The following MARCHF1 variants were observed in gnomAD, a reference collection of about 807,000 sequenced individuals.
MARCHF1 encodes the protein membrane associated ring-CH-type finger 1.
MARCHF1 carries 40 observed loss-of-function variants against 54.2 expected under a neutral mutation model. The ratio of observed to expected loss-of-function variants is 0.74; its 90% CI spans 0.57 to 0.96. The LOEUF is 0.96. MARCHF1 is among the 40% of genes least tolerant of loss of function. MARCHF1 has a pLI of 0.00. For missense variants in MARCHF1, 586 were observed against 656.5 expected, an observed-to-expected ratio of 0.89 and a Z score of 1.17; for synonymous variants, 236 against 236.3, an observed-to-expected ratio of 1.00 and a Z score of 0.01.
intron 1 of MARCHF1, among the ~76,000 whole-genome samples, chr4:164,206,206 G>A (rs142477475): frequency 0.012 from 1,790 of 152,306 alleles, 21 homozygotes; most frequent in Admixed American, 0.019. Flanking sequence ...GGAGGCTCAG[G>A]CAGGCAGATC....
chr4:164,351,484 A>C lies in MARCHF1; in HGVS notation c.-323+32386T>G, dbSNP rs1364507818. Among the ~76,000 whole-genome samples the C allele has an allele frequency of 2.7e-5, 4 of 150,942 alleles. No individual in the cohort carries two copies. The South Asian group carries it at 8.4e-4, about 32-fold the overall frequency. The stretch of plus-strand genomic sequence containing the variant: ...CCCCCGAGCAGCCTAACTGGGAGGC[A>C]CCCCCCAGCAGGGGCACACTGACAC... On this transcript the variant is annotated intron_variant, in intron 1 of 9. Transcript: ENST00000514618.
At chr4:163,555,840 G>A (rs946882607) in intron 8 of MARCHF1, 8 of 411,280 alleles carry the variant, frequency 1.9e-5, no homozygotes, top group African/African-American at 6.2e-5. Context: ...TGGGCTCTTC[G>A]CCTCTTACCT....
chr4:164,040,588 T>C (rs138631298), intron 2 of MARCHF1, among the ~76,000 whole-genome samples: 66 of 151,724 alleles, frequency 4.4e-4, no homozygotes, highest in Admixed American at 9.9e-4. Context: ...TGAATGTGTG[T>C]TGATGGTTAA....
chr4:163,690,206 C>T (rs6536748), intron 5 of MARCHF1, among the ~76,000 whole-genome samples: 70,927 of 151,970 alleles, frequency 0.47, 17,020 homozygotes, highest in Non-Finnish European at 0.51. Flanking sequence ...GAATTTCAAC[C>T]CCACAAATGT....
chr4:164,192,407 C>G (rs1731146544), intron 1 of MARCHF1, among the ~76,000 whole-genome samples: 1 of 152,114 alleles, frequency 6.6e-6, no homozygotes, highest in Non-Finnish European at 1.5e-5. Flanking sequence ...CATTATGATG[C>G]AAACTCTTCT....
rs146357456 is a variant in MARCHF1, at chr4:163,889,919, C to CTTT, written c.-38-35753_-38-35751dup. ...ATGTTAAACTTCGTTTATTTATTTT[C>CTTT]TTTTTTCTTTTTTTTTTTTTTTTGA... On this transcript the variant is annotated intron_variant, in intron 3 of 9. Transcript: ENST00000514618. 2.4e-4 allele frequency among the ~76,000 whole-genome samples: 28 copies of CTTT among 117,236 alleles called. 1 individual carries two copies. Among genetic ancestry groups the CTTT allele is most frequent in the Admixed American group, 4.3e-4 (4 of 9,260 alleles). 76.9% of individuals were successfully genotyped at this position (117,236 alleles called of 152,430 possible).
intron 1 of MARCHF1, among the ~76,000 whole-genome samples, chr4:164,177,626 G>C (rs1730722789): frequency 6.6e-6 from 1 of 152,006 alleles, no homozygotes; most frequent in Non-Finnish European, 1.5e-5. Flanking sequence ...TTAAACAAAA[G>C]CAAACTTTAA....
At position 163,528,489 on chromosome 4, in the gene MARCHF1, CTTAA is replaced by C. The variant is rs575480892; in HGVS notation, c.*255_*258del. On this transcript the variant is annotated 3_prime_UTR_variant, in exon 10 of 10. Transcript: ENST00000514618. The stretch of plus-strand genomic sequence containing the variant: ...AAAAGCATTCATTGCCCCAGTAGTT[CTTAA>C]TTGTCTTGGAAATCATTCTCTTGCA... 428 of 435,980 alleles carry C rather than the reference CTTAA, an allele frequency of 9.8e-4. 4 individuals are homozygous for C. Among genetic ancestry groups the C allele is most frequent in the African/African-American group, 7.7e-3 (385 of 50,114 alleles). The allele number at this position is 435,980 out of a possible 1,614,324, so 27.0% of individuals were successfully genotyped here.
intron 1 of MARCHF1, among the ~76,000 whole-genome samples, chr4:164,214,934 C>T (rs878886650): frequency 5.3e-5 from 8 of 152,078 alleles, no homozygotes; most frequent in African/African-American, 1.9e-4. Flanking sequence ...GTGCCCCCGC[C>T]GCTCAAACCT....
chr4:163,529,442 G>A (rs1409189686), intron 9 of MARCHF1, among the ~76,000 whole-genome samples: 1 of 151,992 alleles, frequency 6.6e-6, no homozygotes, highest in Non-Finnish European at 1.5e-5. Flanking sequence ...ATCCTTCTAA[G>A]AAGATGAGGT....
At chr4:163,641,604 T>C (rs1216656816) in intron 5 of MARCHF1, among the ~76,000 whole-genome samples, 1 of 152,182 alleles carries the variant, frequency 6.6e-6, no homozygotes, top group East Asian at 1.9e-4. Flanking sequence ...CAAATATTTA[T>C]ATGCTAGGAA....
intron 4 of MARCHF1, among the ~76,000 whole-genome samples, chr4:163,851,275 G>T (rs1749634520): frequency 6.6e-6 from 1 of 152,158 alleles, no homozygotes; most frequent in Non-Finnish European, 1.5e-5. Flanking sequence ...ATCCCAGAGA[G>T]GTGGTCAGAG....
chr4:164,078,086 G>A (rs978304528), intron 2 of MARCHF1, among the ~76,000 whole-genome samples: 1 of 152,186 alleles, frequency 6.6e-6, no homozygotes, highest in Non-Finnish European at 1.5e-5. Flanking sequence ...GCACACGTAT[G>A]TTTATTGCAG....
At chr4:164,161,132 G>A (rs1039089026) in intron 1 of MARCHF1, among the ~76,000 whole-genome samples, 1 of 152,118 alleles carries the variant, frequency 6.6e-6, no homozygotes, top group African/African-American at 2.4e-5. Context: ...GGGACATGAT[G>A]GAATCATGGG....
intron 1 of MARCHF1, among the ~76,000 whole-genome samples, chr4:164,306,715 A>C (rs865829854): frequency 3.9e-5 from 6 of 152,200 alleles, no homozygotes; most frequent in African/African-American, 1.2e-4. Flanking sequence ...ACATACAGAA[A>C]GGTTGCAAAT....
intron 3 of MARCHF1, among the ~76,000 whole-genome samples, chr4:163,984,567 G>A (rs3792673): frequency 0.64 from 96,751 of 151,966 alleles, 30,987 homozygotes; most frequent in East Asian, 0.89. Context: ...ACATTTGCTT[G>A]CAAATCCCAG....
intron 3 of MARCHF1, among the ~76,000 whole-genome samples, chr4:163,899,157 CT>C (rs1255257437): frequency 5.3e-5 from 8 of 152,134 alleles, no homozygotes; most frequent in Non-Finnish European, 8.8e-5. Context: ...GCATATATAC[CT>C]TCTGAATCCA....
At chr4:163,704,126 AAAT>A (rs1744884124) in intron 4 of MARCHF1, among the ~76,000 whole-genome samples, 1 of 151,740 alleles carries the variant, frequency 6.6e-6, no homozygotes, top group African/African-American at 2.4e-5. Flanking sequence ...TATGAAAAAA[AAAT>A]AAATATTTCT....
Position 164,305,644 on chromosome 4 carries a change from G to T in MARCHF1, c.-323+78226C>A, listed in dbSNP as rs76460076. ...TTGAAGTGTTTATTTTGTAAAGACT[G>T]CATTTAATATTTTTACTTACCAATG... On this transcript the variant is annotated intron_variant, in intron 1 of 9. Coordinates refer to ENST00000514618, the MANE Select transcript of MARCHF1 (RefSeq NM_001394959.1). Among the ~76,000 whole-genome samples, 4 of 152,212 alleles carry T rather than the reference G, an allele frequency of 2.6e-5. No individual in the cohort carries two copies. The East Asian group carries it at 7.7e-4, about 29-fold the overall frequency.
Sources: gnomAD v4.1 joint callset for allele counts (sites outside exome capture counted in the v4.1 genomes callset) on GRCh38, gnomAD v4.1.1 for gene constraint, MANE v1.5 for transcripts, NCBI Gene and HGNC (gene_info 2026-07-23, HGNC 2026-07-21) for gene names.